The following PTPRR variants were observed in gnomAD, a reference collection of about 807,000 sequenced individuals.
PTPRR encodes receptor-type tyrosine-protein phosphatase R.
PTPRR carries 38 observed loss-of-function variants against 77.2 expected under a neutral mutation model. The observed-to-expected ratio is 0.49, with a 90% CI of 0.38 to 0.65. PTPRR has a LOEUF of 0.65. PTPRR is among the 30% of genes least tolerant of loss of function. PTPRR has a pLI of 0.00. For missense variants in PTPRR, 744 were observed against 799.2 expected (o/e 0.93, Z 0.83); for synonymous variants, 299 against 283.1 (o/e 1.06, Z -0.57).
intron 6 of PTPRR, among the ~76,000 whole-genome samples, chr12:70,725,964 A>G (rs1889419184): frequency 6.6e-6 from 1 of 152,122 alleles, no homozygotes; most frequent in South Asian, 2.1e-4. Context: ...CCTAAATAGT[A>G]AAATCATTGT....
intron 2 of PTPRR, among the ~76,000 whole-genome samples, chr12:70,800,687 G>C (rs1005059340): frequency 2.6e-5 from 4 of 152,056 alleles, no homozygotes; most frequent in Non-Finnish European, 5.9e-5. Flanking sequence ...CTGGGGTCAG[G>C]AGTTCAAGTC....
intron 2 of PTPRR, chr12:70,789,128 G>A (rs897187164): frequency 2.4e-6 from 1 of 425,076 alleles, no homozygotes; most frequent in East Asian, 4.0e-5. Context: ...ACTGTAAGAT[G>A]AGAACTTTAT....
chr12:70,777,811 C>G (rs1416160529), intron 2 of PTPRR, among the ~76,000 whole-genome samples: 1 of 152,090 alleles, frequency 6.6e-6, no homozygotes, highest in African/African-American at 2.4e-5. Context: ...GAAGAGGGTC[C>G]CACTCAGAAA....
At chr12:70,689,580 G>A (rs543380138) in intron 8 of PTPRR, among the ~76,000 whole-genome samples, 13 of 151,958 alleles carry the variant, frequency 8.6e-5, no homozygotes, top group African/African-American at 1.5e-4. Context: ...CGTATCTTCC[G>A]TCAATCCTAT....
intron 4 of PTPRR, 194 bp from the exon 5 acceptor site, chr12:70,754,495 A>C: frequency 1.3e-6 from 2 of 1,559,484 alleles, no homozygotes; most frequent in Middle Eastern, 1.7e-4. Context: ...GAGATTATTT[A>C]GTCTCCTATG....
chr12:70,888,415 A>G (rs71454298), intron 2 of PTPRR, among the ~76,000 whole-genome samples: 3,102 of 152,208 alleles, frequency 0.02, 47 homozygotes, highest in African/African-American at 0.042. Flanking sequence ...AGATTGCTCT[A>G]TGATTTCTAC....
At chr12:70,673,062 GAAAT>G in intron 10 of PTPRR, 1 of 1,151,738 alleles carries the variant, frequency 8.7e-7, no homozygotes. Flanking sequence ...AAGAAAGAAA[GAAAT>G]ATATATTTGA....
intron 13 of PTPRR, among the ~76,000 whole-genome samples, chr12:70,643,326 GTGTT>G (rs1886077225): frequency 6.6e-6 from 1 of 151,636 alleles, no homozygotes; most frequent in South Asian, 2.1e-4. Flanking sequence ...TGTGTTTTTT[GTGTT>G]TGTTTTGTTT....
intron 2 of PTPRR, among the ~76,000 whole-genome samples, chr12:70,805,504 C>T (rs1019401506): frequency 5.9e-5 from 9 of 152,014 alleles, no homozygotes; most frequent in African/African-American, 2.2e-4. Flanking sequence ...CAAGTGGGCA[C>T]CCCCATGGTG....
intron 2 of PTPRR, among the ~76,000 whole-genome samples, chr12:70,863,090 CTT>C (rs547469712): frequency 1.3e-5 from 2 of 152,170 alleles, no homozygotes; most frequent in Non-Finnish European, 2.9e-5. Flanking sequence ...TAACCCTACT[CTT>C]TGCTTTTACA....
chr12:70,786,579 A>T (rs1297048245), intron 2 of PTPRR, among the ~76,000 whole-genome samples: 1 of 152,160 alleles, frequency 6.6e-6, no homozygotes, highest in Non-Finnish European at 1.5e-5. Flanking sequence ...TAAGCTCTGA[A>T]GGGGCACAGA....
At position 70,769,665 on chromosome 12, in the gene PTPRR, A is replaced by G. The variant is rs1890919782; in HGVS notation, c.358-4887T>C. 2.0e-5 allele frequency among the ~76,000 whole-genome samples: 3 copies of G among 152,026 alleles called. No individual in the cohort carries two copies. In the South Asian group the frequency reaches 6.2e-4, roughly 32 times the overall value. On this transcript the variant is annotated intron_variant, in intron 2 of 13. Coordinates refer to ENST00000283228, the MANE Select transcript of PTPRR (RefSeq NM_002849.4). ...ACAGAATTGGAAAAAACTACTTTAA[A>G]GTTCATATGGAACCAAAAAAGAGCC...
intron 2 of PTPRR, among the ~76,000 whole-genome samples, chr12:70,884,598 T>G (rs566121867): frequency 2.9e-4 from 44 of 152,012 alleles, no homozygotes; most frequent in African/African-American, 9.2e-4. Flanking sequence ...CCAGGCGCGG[T>G]GGCTCACGCC....
At chr12:70,837,738 T>C (rs535889047) in intron 2 of PTPRR, among the ~76,000 whole-genome samples, 1 of 152,190 alleles carries the variant, frequency 6.6e-6, no homozygotes, top group Admixed American at 6.5e-5. Context: ...TACAAAGGCA[T>C]GATGATTAAG....
chr12:70,754,003 A>T (rs1454449817), intron 5 of PTPRR, among the ~76,000 whole-genome samples, 188 bp downstream of exon 5: 2 of 152,178 alleles, frequency 1.3e-5, no homozygotes, highest in Non-Finnish European at 2.9e-5. Flanking sequence ...TCAGGTCAGC[A>T]TCCTTAATTC....
At chr12:70,725,593 T>A (rs755107876) in intron 6 of PTPRR, among the ~76,000 whole-genome samples, 1 of 152,072 alleles carries the variant, frequency 6.6e-6, no homozygotes, top group Non-Finnish European at 1.5e-5. Flanking sequence ...GGGGACTGAT[T>A]ATTAGGGGGA....
In PTPRR at chr12:70,701,179, C is replaced by T; in HGVS notation, c.1152G>A (p.Arg384=). 1 of 1,613,924 alleles carries T rather than the reference C, an allele frequency of 6.2e-7. No homozygotes were observed. Among genetic ancestry groups the T allele is most frequent in the Non-Finnish European group, 8.5e-7 (1 of 1,179,914 alleles). Residue 384 remains arginine, a synonymous_variant, in exon 7 of 14, where the codon AGG becomes AGA. Coordinates refer to ENST00000283228, the MANE Select transcript of PTPRR (RefSeq NM_002849.4). ...GTAAATGTGAACTTGCCACGACGTC[C>T]CTCAGCTGAGACCTTGTGAGAATTC... is the stretch of plus-strand genomic sequence containing the variant. ...ASRILTRSQL[R]DVVASSHLLQ...
At chr12:70,736,520 C>T (rs993250828) in intron 6 of PTPRR, among the ~76,000 whole-genome samples, 1 of 152,066 alleles carries the variant, frequency 6.6e-6, no homozygotes, top group Non-Finnish European at 1.5e-5. Flanking sequence ...TATTTGTCAC[C>T]CTCACAATCC....
At chr12:70,906,320 G>T (rs1214328853) in intron 1 of PTPRR, among the ~76,000 whole-genome samples, 1 of 151,890 alleles carries the variant, frequency 6.6e-6, no homozygotes, top group Non-Finnish European at 1.5e-5. Context: ...GACAGATTTT[G>T]CATGGTCCTG....
Sources: gnomAD v4.1 joint callset for allele counts (sites outside exome capture counted in the v4.1 genomes callset) on GRCh38, gnomAD v4.1.1 for gene constraint, MANE v1.5 for transcripts, NCBI Gene and HGNC (gene_info 2026-07-23, HGNC 2026-07-21) for gene names.